The following ADAMTS14 variants were observed in gnomAD, a reference collection of about 807,000 sequenced individuals.
ADAMTS14 encodes ADAM metallopeptidase with thrombospondin type 1 motif 14.
ADAMTS14 carries 100 observed loss-of-function variants against 128.6 expected under a neutral mutation model. The ratio of observed to expected loss-of-function variants is 0.78; its 90% CI spans 0.66 to 0.92. The LOEUF (loss-of-function observed/expected upper bound fraction) is 0.92, where lower values mean the gene tolerates loss of function less well. Ranked by LOEUF, ADAMTS14 falls within the 40% of genes least tolerant of loss-of-function variation. The pLI, the probability that ADAMTS14 is intolerant of heterozygous loss-of-function variation, is 0.00. For missense variants in ADAMTS14, 1,562 were observed against 1,658.6 expected, an observed-to-expected ratio of 0.94 and a Z score of 1.01; for synonymous variants, 665 against 653.8, an observed-to-expected ratio of 1.02 and a Z score of -0.26.
At position 70,738,993 on chromosome 10, in the gene ADAMTS14, G is replaced by A. The variant is rs376581074; in HGVS notation, c.1748+3G>A. Reference sequence around the variant, plus strand: ...AGCCGGAGCTGCAACAACCCCTCGTGAGTGTGCTTGGCTAGGGTGGGGAGG... The same window carrying A: ...AGCCGGAGCTGCAACAACCCCTCGTAAGTGTGCTTGGCTAGGGTGGGGAGG... On this transcript the variant is annotated splice_donor_region_variant and intron_variant, in intron 11 of 21. Coordinates refer to ENST00000373207, the MANE Select transcript of ADAMTS14 (RefSeq NM_080722.4). 87 of 1,602,802 alleles carry A rather than the reference G, an allele frequency of 5.4e-5. No homozygotes were observed. Among genetic ancestry groups the A allele is most frequent in the Non-Finnish European group, 7.0e-5 (82 of 1,174,342 alleles).
In ADAMTS14 at chr10:70,674,762, T is replaced by A. The variant is rs769866318; in HGVS notation, c.289T>A (p.Trp97Arg). 18 of 1,613,520 alleles carry A rather than the reference T, an allele frequency of 1.1e-5. No homozygotes were observed. Among genetic ancestry groups the A allele is most frequent in the Non-Finnish European group, 1.5e-5 (18 of 1,179,962 alleles). Residue 97 changes from tryptophan to arginine, a missense_variant, in exon 2 of 22, where the codon TGG (tryptophan) becomes AGG (arginine). Coordinates refer to ENST00000373207, the MANE Select transcript of ADAMTS14 (RefSeq NM_080722.4). ...RSPLHPGGTLWPGRVGRHSLY... is the reference protein window; with the variant it reads ...RSPLHPGGTLRPGRVGRHSLY... ...CCCTCTGCACCCAGGAGGGACCCTGTGGCCTGGCAGGGTGGGGCGCCACTC... is the reference window on the plus strand; with the variant it reads ...CCCTCTGCACCCAGGAGGGACCCTGAGGCCTGGCAGGGTGGGGCGCCACTC...
At chr10:70,708,818 T>A in intron 4 of ADAMTS14, 40 bp downstream of exon 4, 1 of 383,254 alleles carries the variant, frequency 2.6e-6, no homozygotes, top group South Asian at 2.5e-5. Context: ...GGGAGTGGGG[T>A]GGGGTGGGCC....
intron 12 of ADAMTS14, among the ~76,000 whole-genome samples, chr10:70,742,998 A>C (rs535232496): frequency 6.6e-6 from 1 of 152,286 alleles, no homozygotes; most frequent in African/African-American, 2.4e-5. Context: ...GAAGTTTTGT[A>C]GGGGTCAGAG....
At chr10:70,704,588 A>T (rs1421489647) in intron 3 of ADAMTS14, among the ~76,000 whole-genome samples, 1 of 150,774 alleles carries the variant, frequency 6.6e-6, no homozygotes, top group African/African-American at 2.4e-5. Context: ...ATGCAAACAC[A>T]CGCTCACAAA....
chr10:70,698,017 G>A (rs1840387127), intron 2 of ADAMTS14, among the ~76,000 whole-genome samples: 1 of 152,202 alleles, frequency 6.6e-6, no homozygotes, highest in African/African-American at 2.4e-5. Context: ...CCAGATTTGT[G>A]CACTGGAGAA....
chr10:70,697,640 T>C (rs1014953229), intron 2 of ADAMTS14, among the ~76,000 whole-genome samples: 5 of 152,236 alleles, frequency 3.3e-5, no homozygotes, highest in African/African-American at 9.6e-5. Flanking sequence ...ATCCTGATAG[T>C]AGACAGCTGT....
At position 70,733,902 on chromosome 10, in the gene ADAMTS14, A is replaced by T; in HGVS notation, c.1226A>T (p.Asp409Val). The change falls in exon 8 of 22, where the codon GAC becomes GTC. Residue 409 changes from aspartate (D) to valine (V), a missense_variant. Coordinates refer to ENST00000373207, the MANE Select transcript of ADAMTS14 (RefSeq NM_080722.4). ...CATTCCAGGCTCGGCATGGAGCATG[A>T]CGGTCAGGGGAATGGCTGTGCAGAT... ...ETGHVLGMEH[D>V]GQGNGCADET... 6.2e-7 allele frequency: 1 copy of T among 1,613,556 alleles called. No individual in the cohort carries two copies. The highest frequency in any genetic ancestry group is 8.5e-7 in the Non-Finnish European group (1 of 1,179,738).
intron 21 of ADAMTS14, among the ~76,000 whole-genome samples, chr10:70,760,151 AG>A (rs1369911512): frequency 6.6e-6 from 1 of 152,126 alleles, no homozygotes; most frequent in Non-Finnish European, 1.5e-5. Context: ...CTGCTGCTCT[AG>A]GGGATTTTAC....
Position 70,730,080 on chromosome 10 carries a change from G to T in ADAMTS14, c.955-22G>T, listed in dbSNP as rs748546047. The T allele has an allele frequency of 2.1e-5, 33 of 1,567,664 alleles. No homozygotes were observed. In the South Asian group the frequency reaches 3.5e-4, roughly 17 times the overall value. Reference sequence around the variant, plus strand: ...GGCTCTGACCCTCCACGTGGCTGTTGGTGCTCTCCCGGCCCCTGCAGTCCC... The same window carrying T: ...GGCTCTGACCCTCCACGTGGCTGTTTGTGCTCTCCCGGCCCCTGCAGTCCC... On this transcript the variant is annotated intron_variant, in intron 5 of 21. Transcript: ENST00000373207.
intron 4 of ADAMTS14, among the ~76,000 whole-genome samples, chr10:70,718,365 T>C (rs1397365473): frequency 7.9e-5 from 12 of 151,870 alleles, no homozygotes; most frequent in Admixed American, 7.9e-4. Flanking sequence ...AAGTTTATTT[T>C]ATTTATTATA....
intron 4 of ADAMTS14, among the ~76,000 whole-genome samples, chr10:70,709,657 T>C (rs1345886518): frequency 1.3e-5 from 2 of 151,936 alleles, no homozygotes; most frequent in African/African-American, 4.8e-5. Context: ...CCTGCCACCA[T>C]GCCCGGCTAA....
rs1341678404 is a variant in ADAMTS14 at position 70,755,582 on chromosome 10, C to T, written c.2937+1575C>T. 4.6e-5 allele frequency among the ~76,000 whole-genome samples: 7 copies of T among 152,308 alleles called. No individual in the cohort carries two copies. In the South Asian group the frequency reaches 6.2e-4, roughly 14 times the overall value. ...AAGATGGGCTGGGCGCGGTGGCTCA[C>T]GCCTGTAATCCCACCACTTTGGGAA... On this transcript the variant is annotated intron_variant, in intron 19 of 21. Transcript: ENST00000373207.
At chr10:70,712,316 C>T (rs1040166448) in intron 4 of ADAMTS14, among the ~76,000 whole-genome samples, 22 of 152,178 alleles carry the variant, frequency 1.4e-4, no homozygotes, top group African/African-American at 2.9e-4. Context: ...CTGGGTCCCA[C>T]GGCCCAAAAC....
chr10:70,744,556 C>G (rs1182132543), intron 14 of ADAMTS14, among the ~76,000 whole-genome samples: 1 of 152,176 alleles, frequency 6.6e-6, no homozygotes, highest in Non-Finnish European at 1.5e-5. Context: ...CTTTTCCTCT[C>G]TCCTTCCTTA....
chr10:70,733,741 A>T, intron 7 of ADAMTS14, 144 bp from the exon 8 acceptor site: 2 of 1,025,452 alleles, frequency 2.0e-6, no homozygotes, highest in Non-Finnish European at 2.8e-6. Context: ...CCTCCCCACT[A>T]CGTGGTTGGA....
intron 16 of ADAMTS14, among the ~76,000 whole-genome samples, chr10:70,750,768 T>C (rs1842326372): frequency 6.6e-6 from 1 of 152,190 alleles, no homozygotes; most frequent in Non-Finnish European, 1.5e-5. Context: ...CTCTTCAAAA[T>C]ATGGTGCCGG....
rs939660606 is a variant in ADAMTS14 at position 70,689,755 on chromosome 10, C to T, written c.523-12557C>T. On this transcript the variant is annotated intron_variant, in intron 2 of 21. Coordinates refer to ENST00000373207, the MANE Select transcript of ADAMTS14 (RefSeq NM_080722.4). ...TACAATCCGAGTCCTCCATGGTTCGCGGCATTCCTCCCAGAGAAGCCAGCC... is the reference window on the plus strand; with the variant it reads ...TACAATCCGAGTCCTCCATGGTTCGTGGCATTCCTCCCAGAGAAGCCAGCC... 1.0e-4 allele frequency among the ~76,000 whole-genome samples: 15 copies of T among 145,408 alleles called. 1 individual carries two copies. The highest frequency in any genetic ancestry group is 2.9e-4 in the African/African-American group (12 of 41,000).
At chr10:70,747,239 G>A (rs572872603) in intron 15 of ADAMTS14, among the ~76,000 whole-genome samples, 22 of 152,072 alleles carry the variant, frequency 1.4e-4, no homozygotes, top group Non-Finnish European at 3.1e-4. Context: ...GTCCCATCAG[G>A]CCATAGGCAC....
chr10:70,702,631 C>T (rs1037373792), intron 3 of ADAMTS14, among the ~76,000 whole-genome samples, 163 bp downstream of exon 3: 3 of 152,146 alleles, frequency 2.0e-5, no homozygotes, highest in Non-Finnish European at 4.4e-5. Context: ...AACCCCATTG[C>T]GTTCTAGAAG....
Sources: gnomAD v4.1 joint callset for allele counts (sites outside exome capture counted in the v4.1 genomes callset) on GRCh38, gnomAD v4.1.1 for gene constraint, MANE v1.5 for transcripts, NCBI Gene and HGNC (gene_info 2026-07-23, HGNC 2026-07-21) for gene names.